Variants in UTRN observed in about 807,000 individuals in gnomAD.
The protein encoded by UTRN is utrophin.
UTRN carries 283 observed loss-of-function variants against 463.9 expected under a neutral mutation model. The ratio of observed to expected loss-of-function variants is 0.61; its 90% confidence interval spans 0.55 to 0.67. UTRN has a LOEUF of 0.67. UTRN is among the 30% of genes least tolerant of loss of function. UTRN has a pLI of 0.00. For synonymous variants in UTRN, 1,442 were observed against 1,431.5 expected (o/e 1.01, Z -0.17); for missense variants, 3,922 against 4,084.3 (o/e 0.96, Z 1.08).
chr6:144,299,443 T>C (rs1415034942), intron 2 of UTRN, among the ~76,000 whole-genome samples: 1 of 152,222 alleles, frequency 6.6e-6, no homozygotes, highest in African/African-American at 2.4e-5. Flanking sequence ...GGGCATTTTT[T>C]CTTTTACACT....
rs145991727 is a variant in UTRN, at chr6:144,460,429, T to C, written c.2708-768T>C. On this transcript the variant is annotated intron_variant, in intron 21 of 74. Transcript: ENST00000367545. ...TGTGATGACTGGAAGTGTCTGTATGTGTGCATGCTAGGCAAATGTGTCGTA... is the reference window on the plus strand; with the variant it reads ...TGTGATGACTGGAAGTGTCTGTATGCGTGCATGCTAGGCAAATGTGTCGTA... Among the ~76,000 whole-genome samples, 562 of 152,342 alleles carry C rather than the reference T, an allele frequency of 3.7e-3. 2 individuals are homozygous for C. The highest frequency in any genetic ancestry group is 3.2e-3 in the Non-Finnish European group (219 of 68,018).
intron 30 of UTRN, among the ~76,000 whole-genome samples, chr6:144,489,112 C>T (rs1374063092): frequency 6.6e-5 from 10 of 151,960 alleles, no homozygotes; most frequent in Non-Finnish European, 1.2e-4. Flanking sequence ...TGCAGTGGCA[C>T]GATCTTGGCT....
intron 58 of UTRN, among the ~76,000 whole-genome samples, chr6:144,766,627 C>G (rs1453193420): frequency 6.6e-6 from 1 of 151,936 alleles, no homozygotes; most frequent in Non-Finnish European, 1.5e-5. Flanking sequence ...ATTATAGGAC[C>G]AGTTTGAGTG....
intron 2 of UTRN, among the ~76,000 whole-genome samples, chr6:144,361,106 A>T (rs183052933): frequency 1.3e-5 from 2 of 152,244 alleles, no homozygotes; most frequent in Admixed American, 6.5e-5. Context: ...TATTCTTGTT[A>T]TGCTGCTTCC....
At chr6:144,839,663 G>A (rs762690107) in intron 72 of UTRN, among the ~76,000 whole-genome samples, 5 of 152,108 alleles carry the variant, frequency 3.3e-5, no homozygotes, top group Non-Finnish European at 7.4e-5. Flanking sequence ...CATTATGGTT[G>A]TATCTGCCAA....
chr6:144,730,688 A>G (rs1788428387), intron 54 of UTRN, among the ~76,000 whole-genome samples: 1 of 152,116 alleles, frequency 6.6e-6, no homozygotes, highest in Admixed American at 6.5e-5. Flanking sequence ...GTATACCTCA[A>G]TATCAATTTT....
intron 3 of UTRN, among the ~76,000 whole-genome samples, chr6:144,404,698 T>C (rs1003077374): frequency 1.3e-5 from 2 of 152,182 alleles, no homozygotes; most frequent in Non-Finnish European, 2.9e-5. Flanking sequence ...CATTTGAAAC[T>C]GGGTAAATTA....
At chr6:144,345,015 C>A (rs542026035) in intron 2 of UTRN, among the ~76,000 whole-genome samples, 2 of 152,078 alleles carry the variant, frequency 1.3e-5, no homozygotes, top group African/African-American at 4.8e-5. Context: ...GGGGAAAAAC[C>A]CCAAGTGATG....
At position 144,285,589 on chromosome 6, in the gene UTRN, G is replaced by T. The variant is rs1203783570; in HGVS notation, c.-325G>T. ...ACTACCAGGCAGGAAGATTGCACAAGTAAGGGGCGTTTTCAGTCGGGTGTC... is the reference window on the plus strand; with the variant it reads ...ACTACCAGGCAGGAAGATTGCACAATTAAGGGGCGTTTTCAGTCGGGTGTC... On this transcript the variant is annotated 5_prime_UTR_variant, in exon 1 of 75. Transcript: ENST00000367545. The T allele has an allele frequency of 6.6e-6, 1 of 152,284 alleles. No individual in the cohort carries two copies. The highest frequency in any genetic ancestry group is 1.5e-5 in the Non-Finnish European group (1 of 68,060). 9.4% of individuals were successfully genotyped at this position (152,284 alleles called of 1,614,324 possible).
At chr6:144,326,780 C>G (rs1471486636) in intron 2 of UTRN, among the ~76,000 whole-genome samples, 1 of 152,144 alleles carries the variant, frequency 6.6e-6, no homozygotes, top group Non-Finnish European at 1.5e-5. Context: ...CTCACAGAAT[C>G]TTAGATCTGG....
intron 23 of UTRN, among the ~76,000 whole-genome samples, chr6:144,464,926 T>G (rs73780581): frequency 0.032 from 4,842 of 152,310 alleles, 246 homozygotes; most frequent in African/African-American, 0.1. Flanking sequence ...AGCATTGTAT[T>G]ATCAGTGATT....
At chr6:144,825,697 A>G (rs1432050525) in intron 66 of UTRN, among the ~76,000 whole-genome samples, 2 of 152,130 alleles carry the variant, frequency 1.3e-5, no homozygotes, top group Non-Finnish European at 1.5e-5. Flanking sequence ...AGTTCGTGGC[A>G]TATGTTTTGC....
chr6:144,664,909 C>T (rs1780235269), intron 51 of UTRN, among the ~76,000 whole-genome samples: 1 of 151,798 alleles, frequency 6.6e-6, no homozygotes, highest in Admixed American at 6.6e-5. Flanking sequence ...CATGATTCCT[C>T]ATTTTCAAAA....
At chr6:144,840,979 A>G (rs1222625370) in intron 73 of UTRN, 147 bp downstream of exon 73, 10 of 859,300 alleles carry the variant, frequency 1.2e-5, no homozygotes, top group South Asian at 1.1e-4. Flanking sequence ...GGCAAACATT[A>G]TATAAGAAAA....
chr6:144,327,308 G>A (rs2114597470), intron 2 of UTRN, among the ~76,000 whole-genome samples: 1 of 152,304 alleles, frequency 6.6e-6, no homozygotes, highest in African/African-American at 2.4e-5. Context: ...AACTGGAGCT[G>A]CTGAACTGAA....
chr6:144,473,302 A>G (rs997875386), intron 23 of UTRN, among the ~76,000 whole-genome samples: 5 of 152,194 alleles, frequency 3.3e-5, no homozygotes, highest in Non-Finnish European at 5.9e-5. Flanking sequence ...AGAACCATCT[A>G]TTGTATTCCC....
intron 69 of UTRN, among the ~76,000 whole-genome samples, chr6:144,831,357 A>T (rs1349209318): frequency 6.6e-6 from 1 of 152,200 alleles, no homozygotes; most frequent in African/African-American, 2.4e-5. Context: ...GAGTCAGAGA[A>T]GGAGACGTAG....
rs190937386 is a variant in UTRN at position 144,582,174 on chromosome 6, G to A, written c.7479+4886G>A. 4.5e-4 allele frequency among the ~76,000 whole-genome samples: 68 copies of A among 152,154 alleles called. 2 individuals are homozygous for A. Among genetic ancestry groups the A allele is most frequent in the African/African-American group, 1.5e-3 (62 of 41,526 alleles). ...GGACTTTAAATCGTTGTAACATGAAGGACTAAGAAAGGCAAATGAAGTAAA... is the reference window on the plus strand; with the variant it reads ...GGACTTTAAATCGTTGTAACATGAAAGACTAAGAAAGGCAAATGAAGTAAA... On this transcript the variant is annotated intron_variant, in intron 51 of 74. Transcript: ENST00000367545.
rs1799233429 is a variant in UTRN at position 144,554,778 on chromosome 6, A to T, written c.7019A>T (p.Gln2340Leu). 1.9e-6 allele frequency: 3 copies of T among 1,614,090 alleles called. No homozygotes were observed. The highest frequency in any genetic ancestry group is 2.5e-6 in the Non-Finnish European group (3 of 1,179,978). ...QLEDMIIDSL[Q>L]WDDHREETEE... ...GAGGACATGATTATTGACAGTCTTC[A>T]GTGGGATGACCATAGGGAGGAGACT... is the stretch of plus-strand genomic sequence containing the variant. The change falls in exon 49 of 75, where the codon CAG (glutamine) becomes CTG (leucine). Residue 2340 changes from glutamine to leucine, a missense_variant. Gln to Leu is a moderately radical substitution (Grantham distance 113). This residue lies in a region of UTRN where 1,309 missense variants were observed against 1,452.6 expected (regional missense o/e 0.90). Transcript: ENST00000367545.
Sources: gnomAD v4.1 joint callset for allele counts (sites outside exome capture counted in the v4.1 genomes callset) on GRCh38, gnomAD v4.1.1 for gene constraint, gnomAD v4.1.1 regional missense constraint, MANE v1.5 for transcripts, NCBI Gene and HGNC (gene_info 2026-07-23, HGNC 2026-07-21) for gene names.